The following ENTREP2 variants were observed in gnomAD, a reference collection of about 807,000 sequenced individuals.
ENTREP2 encodes the protein endosomal transmembrane epsin interactor 2.
the ENTREP2 span, among the ~76,000 whole-genome samples, chr15:29,427,093 T>C: frequency 2.0e-5 from 3 of 152,178 alleles, no homozygotes; most frequent in African/African-American, 7.2e-5. Context: ...TTTTGTTATA[T>C]TTAAAGCAAA....
the ENTREP2 span, among the ~76,000 whole-genome samples, chr15:29,551,345 A>G: frequency 6.6e-6 from 1 of 152,130 alleles, no homozygotes; most frequent in East Asian, 1.9e-4. Context: ...ATGGTCACAG[A>G]GCTGTCTTCA....
chr15:29,620,914 A>G, the ENTREP2 span, among the ~76,000 whole-genome samples: 1 of 152,106 alleles, frequency 6.6e-6, no homozygotes, highest in Non-Finnish European at 1.5e-5. Context: ...GAAGCTGAGA[A>G]TAAAGACATG....
At chr15:29,534,983 C>G in the ENTREP2 span, among the ~76,000 whole-genome samples, 2 of 150,970 alleles carry the variant, frequency 1.3e-5, no homozygotes, top group Non-Finnish European at 3.0e-5. Context: ...TGGTGGCTCA[C>G]GCCTGTAATC....
At chr15:29,250,986 A>G in the ENTREP2 span, among the ~76,000 whole-genome samples, 1 of 152,220 alleles carries the variant, frequency 6.6e-6, no homozygotes. Flanking sequence ...CAGCTTCAGC[A>G]TCGAAACTGT....
chr15:29,224,767 G>T, the ENTREP2 span, among the ~76,000 whole-genome samples: 8 of 152,346 alleles, frequency 5.3e-5, no homozygotes, highest in African/African-American at 1.9e-4. Context: ...AGGTGGAGCT[G>T]CCTGCCAGTC....
At chr15:29,154,166 A>C in the ENTREP2 span, among the ~76,000 whole-genome samples, 23 of 152,290 alleles carry the variant, frequency 1.5e-4, no homozygotes, top group African/African-American at 5.1e-4. Flanking sequence ...TAGTTCTAAC[A>C]ATTTTTTGAA....
At chr15:29,329,362 CAA>C in the ENTREP2 span, among the ~76,000 whole-genome samples, 43 of 98,426 alleles carry the variant, frequency 4.4e-4, no homozygotes, top group African/African-American at 1.0e-3. Context: ...GGCTCCGTCT[CAA>C]AAAAAAAAAA....
the ENTREP2 span, among the ~76,000 whole-genome samples, chr15:29,338,430 A>G: frequency 1.3e-5 from 2 of 151,514 alleles, no homozygotes; most frequent in African/African-American, 2.4e-5. Flanking sequence ...CATCTCAAAA[A>G]AAAAAAAAAA....
the ENTREP2 span, among the ~76,000 whole-genome samples, chr15:29,566,553 C>G: frequency 1.3e-5 from 2 of 151,804 alleles, no homozygotes; most frequent in Non-Finnish European, 2.9e-5. Flanking sequence ...GCCTCCTGGG[C>G]TCAAGCAATT....
chr15:29,671,409 A>G, the ENTREP2 span, among the ~76,000 whole-genome samples: 1 of 152,208 alleles, frequency 6.6e-6, no homozygotes, highest in African/African-American at 2.4e-5. Flanking sequence ...TTCTCTGAGT[A>G]CCTAAGACTT....
At chr15:29,540,200 A>C in the ENTREP2 span, among the ~76,000 whole-genome samples, 1 of 152,138 alleles carries the variant, frequency 6.6e-6, no homozygotes, top group East Asian at 1.9e-4. Flanking sequence ...ATAATAATCA[A>C]GCCAGGGTAT....
At chr15:29,490,863 A>C in the ENTREP2 span, among the ~76,000 whole-genome samples, 18 of 152,278 alleles carry the variant, frequency 1.2e-4, no homozygotes, top group East Asian at 3.3e-3. Flanking sequence ...GTCCCACTCC[A>C]GGCGCCTGCT....
the ENTREP2 span, among the ~76,000 whole-genome samples, chr15:29,418,748 G>A: frequency 6.6e-6 from 1 of 152,272 alleles, no homozygotes; most frequent in East Asian, 1.9e-4. Context: ...CTCCCTCCAA[G>A]AAGGGAGCTA....
the ENTREP2 span, among the ~76,000 whole-genome samples, chr15:29,151,333 C>G: frequency 6.6e-6 from 1 of 152,114 alleles, no homozygotes; most frequent in Non-Finnish European, 1.5e-5. Flanking sequence ...AATTTTCCAA[C>G]TGGAAAAGAA....
chr15:29,229,227 CTTA>C, the ENTREP2 span, among the ~76,000 whole-genome samples: 1 of 152,008 alleles, frequency 6.6e-6, no homozygotes, highest in African/African-American at 2.4e-5. Context: ...AGAAAGGAAA[CTTA>C]TTAAATGTAC....
the ENTREP2 span, among the ~76,000 whole-genome samples, chr15:29,447,525 G>A: frequency 6.6e-6 from 1 of 152,292 alleles, no homozygotes; most frequent in East Asian, 1.9e-4. Flanking sequence ...GAGTGCAGTG[G>A]CACAATCGCA....
the ENTREP2 span, among the ~76,000 whole-genome samples, chr15:29,599,244 A>G: frequency 6.6e-6 from 1 of 152,238 alleles, no homozygotes; most frequent in Non-Finnish European, 1.5e-5. Context: ...AGAAAGCTTA[A>G]GTAAGAGAAA....
chr15:29,231,282 C>G, the ENTREP2 span, among the ~76,000 whole-genome samples: 14 of 152,148 alleles, frequency 9.2e-5, no homozygotes, highest in Non-Finnish European at 1.5e-4. Flanking sequence ...AGCATCTCTA[C>G]TTACATGATT....
chr15:29,441,371 G>T, the ENTREP2 span, among the ~76,000 whole-genome samples: 1 of 152,152 alleles, frequency 6.6e-6, no homozygotes, highest in Non-Finnish European at 1.5e-5. Flanking sequence ...TGGGGAAGAT[G>T]AAAAGCGTTC....
Sources: allele counts gnomAD v4.1 joint callset (sites outside exome capture counted in the v4.1 genomes callset), GRCh38; gene constraint gnomAD v4.1.1; transcripts MANE v1.5; gene names NCBI Gene and HGNC (gene_info 2026-07-23, HGNC 2026-07-21).